TENM3: variants seen among roughly 807,000 people sequenced by gnomAD.
TENM3 encodes the protein teneurin transmembrane protein 3.
Under a neutral mutation model 255.1 loss-of-function variants are expected in TENM3, and 63 were observed. The ratio of observed to expected loss-of-function variants is 0.25; its 90% CI spans 0.20 to 0.30. The LOEUF (loss-of-function observed/expected upper bound fraction) is 0.30. TENM3 is among the 10% of genes least tolerant of loss of function. The probability of loss-of-function intolerance (pLI) is 1.00; values close to 1 mark genes in which losing one functional copy is unlikely to be tolerated. For missense variants in TENM3, 2,929 were observed against 3,461.1 expected (o/e 0.85, Z 3.86); for synonymous variants, 1,306 against 1,322.3 (o/e 0.99, Z 0.27).
At position 182,496,056 on chromosome 4, in the gene TENM3, A is replaced by G. The variant is rs777260133; in HGVS notation, c.512-104868A>G. 9.2e-5 allele frequency among the ~76,000 whole-genome samples: 14 copies of G among 152,352 alleles called. No homozygotes were observed. The South Asian group carries it at 1.2e-3, about 14-fold the overall frequency. ...GAGATCTGTAATGAGGAACTAAGGT[A>G]TAGTAGCCCTTTGAAAAGTTAATTT... is the stretch of plus-strand genomic sequence containing the variant. On this transcript the variant is annotated intron_variant, in intron 3 of 27. Coordinates refer to ENST00000511685, the MANE Select transcript of TENM3 (RefSeq NM_001080477.4).
chr4:182,595,439 G>A (rs1474589504), intron 3 of TENM3, among the ~76,000 whole-genome samples: 1 of 152,106 alleles, frequency 6.6e-6, no homozygotes, highest in African/African-American at 2.4e-5. Context: ...TCTAACATGG[G>A]AACAGAATGC....
chr4:182,766,971 T>C (rs1763766082), intron 22 of TENM3, among the ~76,000 whole-genome samples: 1 of 152,166 alleles, frequency 6.6e-6, no homozygotes, highest in Admixed American at 6.5e-5. Flanking sequence ...CTTTCTTTTG[T>C]CTTCCTTCTT....
At chr4:182,085,173 A>C in the TENM3 span, 1 of 152,202 alleles carries the variant, frequency 6.6e-6, no homozygotes, top group Non-Finnish European at 1.5e-5. Context: ...AGCTTAGGTT[A>C]CCTACATGAC....
At chr4:181,996,911 G>A in the TENM3 span, among the ~76,000 whole-genome samples, 1 of 152,178 alleles carries the variant, frequency 6.6e-6, no homozygotes, top group Non-Finnish European at 1.5e-5. Flanking sequence ...CTTCTGAGGA[G>A]CGGATTATAA....
chr4:181,834,597 G>T, the TENM3 span, among the ~76,000 whole-genome samples: 1 of 152,184 alleles, frequency 6.6e-6, no homozygotes, highest in African/African-American at 2.4e-5. Flanking sequence ...CCCTCAGCCT[G>T]GGCATGGGGC....
the TENM3 span, among the ~76,000 whole-genome samples, chr4:182,124,496 G>A: frequency 0.069 from 10,465 of 152,266 alleles, 455 homozygotes; most frequent in East Asian, 0.15. Context: ...AAAGCCTCGA[G>A]ACTACAGTGT....
At chr4:182,408,687 A>G (rs371197209) in intron 3 of TENM3, among the ~76,000 whole-genome samples, 1 of 152,240 alleles carries the variant, frequency 6.6e-6, no homozygotes, top group Non-Finnish European at 1.5e-5. Flanking sequence ...TAAAATAAAG[A>G]GTCATCCTTT....
At chr4:182,225,023 C>T (rs549365599) in intron 1 of TENM3, among the ~76,000 whole-genome samples, 1 of 152,284 alleles carries the variant, frequency 6.6e-6, no homozygotes, top group African/African-American at 2.4e-5. Flanking sequence ...GGAGCCACCG[C>T]TCCCTGGCTC....
At chr4:182,022,682 AT>A in the TENM3 span, among the ~76,000 whole-genome samples, 2 of 152,062 alleles carry the variant, frequency 1.3e-5, no homozygotes, top group East Asian at 1.9e-4. Context: ...TTCCCAATTT[AT>A]TTTTTTCTTT....
At chr4:181,494,004 T>C in the TENM3 span, among the ~76,000 whole-genome samples, 1 of 152,292 alleles carries the variant, frequency 6.6e-6, no homozygotes, top group Middle Eastern at 3.4e-3. Context: ...AATTTATGCA[T>C]GTTAACTCAT....
chr4:181,913,895 T>A, the TENM3 span, among the ~76,000 whole-genome samples: 1 of 152,298 alleles, frequency 6.6e-6, no homozygotes, highest in South Asian at 2.1e-4. Flanking sequence ...GTCCATAGGA[T>A]GTGATTGGTG....
chr4:182,454,573 T>C (rs1007337686), intron 3 of TENM3, among the ~76,000 whole-genome samples: 4 of 152,208 alleles, frequency 2.6e-5, no homozygotes, highest in Non-Finnish European at 5.9e-5. Context: ...GGGAATAATG[T>C]TTGTTTTAAC....
intron 3 of TENM3, among the ~76,000 whole-genome samples, chr4:182,404,099 T>G (rs968327748): frequency 6.6e-6 from 1 of 152,222 alleles, no homozygotes; most frequent in African/African-American, 2.4e-5. Context: ...AATTCCTTTT[T>G]TCAATCACTG....
the TENM3 span, chr4:181,976,423 G>A: frequency 6.6e-6 from 1 of 152,150 alleles, no homozygotes; most frequent in African/African-American, 2.4e-5. Context: ...CCAGCCGGTT[G>A]CTTAGTATTT....
rs761939776 is a variant in TENM3 at position 182,799,622 on chromosome 4, G to A, written c.7371G>A (p.Val2457=). ...IPPIFGVQQQ[V]ARQAKAFLSL... ...CCATCTTCGGAGTCCAGCAGCAAGT[G>A]GCGCGGCAGGCCAAGGCCTTCCTGT... is the stretch of plus-strand genomic sequence containing the variant. Residue 2457 remains valine, a synonymous_variant, in exon 28 of 28, where the codon GTG becomes GTA. Coordinates refer to ENST00000511685, the MANE Select transcript of TENM3 (RefSeq NM_001080477.4). This position sits in a 1 kb window ranked among gnomAD's most constrained non-coding sequence, Gnocchi z 4.2. 1 of 1,543,596 alleles carries A rather than the reference G, an allele frequency of 6.5e-7. No individual in the cohort carries two copies. The highest frequency in any genetic ancestry group is 1.2e-5 in the South Asian group (1 of 84,046).
At chr4:181,795,498 G>T in the TENM3 span, among the ~76,000 whole-genome samples, 1 of 152,100 alleles carries the variant, frequency 6.6e-6, no homozygotes, top group African/African-American at 2.4e-5. Flanking sequence ...AATTTCAGGG[G>T]ATGTAAACAT....
chr4:181,949,689 G>A, the TENM3 span, among the ~76,000 whole-genome samples: 1 of 152,090 alleles, frequency 6.6e-6, no homozygotes, highest in Non-Finnish European at 1.5e-5. Flanking sequence ...TTCAATGGCT[G>A]GCCATCTCAC....
chr4:182,524,083 T>G (rs1738870169), intron 3 of TENM3, among the ~76,000 whole-genome samples: 1 of 152,206 alleles, frequency 6.6e-6, no homozygotes, highest in African/African-American at 2.4e-5. Flanking sequence ...TTCGTCACTT[T>G]CCTGTAACTT....
chr4:181,916,290 AATT>A, the TENM3 span, among the ~76,000 whole-genome samples: 1 of 152,212 alleles, frequency 6.6e-6, no homozygotes, highest in Non-Finnish European at 1.5e-5. Flanking sequence ...ATCGAATTAG[AATT>A]ATAATTCTAT....
Sources: allele counts gnomAD v4.1 joint callset (sites outside exome capture counted in the v4.1 genomes callset), GRCh38; gene constraint gnomAD v4.1.1; non-coding constraint Gnocchi (gnomAD v3.1); transcripts MANE v1.5; gene names NCBI Gene and HGNC (gene_info 2026-07-23, HGNC 2026-07-21).